The following AK5 variants were observed in gnomAD, a reference collection of about 807,000 sequenced individuals.
AK5 encodes adenylate kinase 5, also known as adenylate kinase isoenzyme 5.
A neutral mutation model predicts 69.5 loss-of-function variants in AK5; 27 were observed. The ratio of observed to expected loss-of-function variants is 0.39; its 90% CI spans 0.29 to 0.54. The LOEUF is 0.54. Among genes scored for constraint, AK5 ranks in the 20% least tolerant of loss-of-function variants. AK5 has a pLI of 0.71. For synonymous variants in AK5, 260 were observed against 244.4 expected (o/e 1.06, Z -0.60); for missense variants, 531 against 700.4 (o/e 0.76, Z 2.73).
chr1:77,485,060 C>T (rs1423043112), intron 9 of AK5, among the ~76,000 whole-genome samples: 1 of 152,208 alleles, frequency 6.6e-6, no homozygotes, highest in Non-Finnish European at 1.5e-5. Context: ...TGTAAACTCA[C>T]AGGCTAGAGA....
intron 6 of AK5, among the ~76,000 whole-genome samples, chr1:77,401,677 G>A (rs966048470): frequency 2.6e-5 from 4 of 152,100 alleles, no homozygotes; most frequent in Admixed American, 2.6e-4. Context: ...ATTGCAGTTT[G>A]AAAATCAGAG....
chr1:77,380,295 C>T (rs779761048), intron 6 of AK5, among the ~76,000 whole-genome samples: 1 of 152,110 alleles, frequency 6.6e-6, no homozygotes, highest in Non-Finnish European at 1.5e-5. Flanking sequence ...TTGCTGAGTA[C>T]CAGATTCTGT....
intron 13 of AK5, among the ~76,000 whole-genome samples, chr1:77,557,527 G>T (rs780034933): frequency 6.6e-6 from 1 of 152,020 alleles, no homozygotes; most frequent in Non-Finnish European, 1.5e-5. Flanking sequence ...CAGTACTTTC[G>T]TGCCCAGAAA....
At chr1:77,528,312 A>T (rs990645051) in intron 12 of AK5, among the ~76,000 whole-genome samples, 1 of 152,158 alleles carries the variant, frequency 6.6e-6, no homozygotes, top group African/African-American at 2.4e-5. Flanking sequence ...ACTATGTTTG[A>T]GGTCCATTCA....
At chr1:77,296,379 T>C (rs1178578366) in intron 3 of AK5, among the ~76,000 whole-genome samples, 1 of 152,112 alleles carries the variant, frequency 6.6e-6, no homozygotes. Flanking sequence ...AGAAGTAAAA[T>C]TAATTTGATA....
intron 13 of AK5, among the ~76,000 whole-genome samples, chr1:77,548,098 GA>G (rs2100388885): frequency 6.6e-6 from 1 of 152,314 alleles, no homozygotes; most frequent in Admixed American, 6.5e-5. Flanking sequence ...GAGAGGAAGA[GA>G]AAAGGAAAAA....
chr1:77,296,976 T>C lies in AK5; in HGVS notation c.416-583T>C, dbSNP rs549540947. On this transcript the variant is annotated intron_variant, in intron 3 of 13. Transcript: ENST00000354567. The stretch of plus-strand genomic sequence containing the variant: ...TGTGTGGATTTGTTTCTAAGTTCTC[T>C]ATTCTGTTCCATTGGTCTATATGTC... Among the ~76,000 whole-genome samples, 4 of 152,318 alleles carry C rather than the reference T, an allele frequency of 2.6e-5. No individual in the cohort carries two copies. In the South Asian group the frequency reaches 6.2e-4, roughly 24 times the overall value.
At chr1:77,469,258 C>T (rs1200884842) in intron 8 of AK5, among the ~76,000 whole-genome samples, 1 of 152,106 alleles carries the variant, frequency 6.6e-6, no homozygotes, top group Admixed American at 6.6e-5. Flanking sequence ...GCTATTGTAC[C>T]CAGTTATTTA....
rs557997048 is a variant in AK5, at chr1:77,397,369, T to C, written c.892-13612T>C. Among the ~76,000 whole-genome samples, 47 of 152,154 alleles carry C rather than the reference T, an allele frequency of 3.1e-4. 1 individual carries two copies. The highest frequency in any genetic ancestry group is 6.3e-4 in the Non-Finnish European group (43 of 68,028). ...AAGTAATGATTGTCTTAGCAGTCTC[T>C]TGGCGCTTCCTCCGTCATGAGGGCA... On this transcript the variant is annotated intron_variant, in intron 6 of 13. Coordinates refer to ENST00000354567, the MANE Select transcript of AK5 (RefSeq NM_174858.3).
At chr1:77,389,771 G>A (rs1648292740) in intron 6 of AK5, among the ~76,000 whole-genome samples, 1 of 152,054 alleles carries the variant, frequency 6.6e-6, no homozygotes, top group Non-Finnish European at 1.5e-5. Context: ...AGACCAGTCT[G>A]GGCAACATGG....
At chr1:77,422,984 G>A (rs1294607049) in intron 8 of AK5, among the ~76,000 whole-genome samples, 4 of 152,104 alleles carry the variant, frequency 2.6e-5, no homozygotes, top group African/African-American at 9.7e-5. Context: ...GGGAGGCCAA[G>A]GTGGGTGGAT....
intron 5 of AK5, among the ~76,000 whole-genome samples, chr1:77,330,155 G>A (rs376654984): frequency 6.6e-5 from 10 of 152,270 alleles, no homozygotes; most frequent in African/African-American, 2.2e-4. Context: ...TTGGTTATAC[G>A]TGTGGCAAAC....
intron 2 of AK5, among the ~76,000 whole-genome samples, chr1:77,292,497 C>A (rs192560934): frequency 6.6e-6 from 1 of 152,294 alleles, no homozygotes; most frequent in Admixed American, 6.5e-5. Flanking sequence ...CAGAATTCCT[C>A]ATGGAAGGGC....
At chr1:77,367,579 A>ATATATATATATATATATTTTATAT (rs71075732) in intron 6 of AK5, among the ~76,000 whole-genome samples, 1 of 53,364 alleles carries the variant, frequency 1.9e-5, no homozygotes, top group African/African-American at 1.1e-4. Context: ...ATATATATAT[A>ATATATATATATATATATTTTATAT]ATATATATGT....
At chr1:77,479,069 C>T (rs560892126) in intron 8 of AK5, among the ~76,000 whole-genome samples, 1 of 152,144 alleles carries the variant, frequency 6.6e-6, no homozygotes, top group African/African-American at 2.4e-5. Flanking sequence ...TGCAGTTTTC[C>T]ATAGCCAGTA....
intron 6 of AK5, among the ~76,000 whole-genome samples, chr1:77,354,962 C>T (rs2100421186): frequency 6.6e-6 from 1 of 152,274 alleles, no homozygotes; most frequent in East Asian, 1.9e-4. Context: ...TTCCTCTATT[C>T]TGAAATTTAT....
chr1:77,364,383 A>T (rs1198953810), intron 6 of AK5, among the ~76,000 whole-genome samples: 1 of 152,140 alleles, frequency 6.6e-6, no homozygotes, highest in Admixed American at 6.5e-5. Flanking sequence ...TGGGAACATT[A>T]ACTATCTTCC....
intron 13 of AK5, among the ~76,000 whole-genome samples, chr1:77,544,379 G>T (rs1474418917): frequency 6.6e-6 from 1 of 151,938 alleles, no homozygotes; most frequent in Non-Finnish European, 1.5e-5. Context: ...AATAACTTTG[G>T]CTTACTATAA....
intron 6 of AK5, among the ~76,000 whole-genome samples, chr1:77,353,329 T>C (rs895800436): frequency 1.3e-5 from 2 of 151,816 alleles, no homozygotes; most frequent in Non-Finnish European, 2.9e-5. Context: ...AATACAAAAA[T>C]TAGGCAGGCA....
Sources: allele counts gnomAD v4.1 joint callset (sites outside exome capture counted in the v4.1 genomes callset), GRCh38; gene constraint gnomAD v4.1.1; transcripts MANE v1.5; gene names NCBI Gene and HGNC (gene_info 2026-07-23, HGNC 2026-07-21).